The following LRRIQ3 variants were observed in gnomAD, a reference collection of about 807,000 sequenced individuals.
The protein encoded by LRRIQ3 is leucine rich repeats and IQ motif containing 3.
Under a neutral mutation model 59.3 loss-of-function variants are expected in LRRIQ3, and 75 were observed. The ratio of observed to expected loss-of-function variants is 1.26; its 90% CI spans 1.05 to 1.53. The LOEUF is 1.53. LRRIQ3 is among the 40% of genes most tolerant of loss of function. The pLI is 0.00. For synonymous variants in LRRIQ3, 250 were observed against 231.3 expected, an observed-to-expected ratio of 1.08 and a Z score of -0.73; for missense variants, 831 against 710.0, an observed-to-expected ratio of 1.17 and a Z score of -1.94.
intron 4 of LRRIQ3, among the ~76,000 whole-genome samples, chr1:74,118,173 G>A (rs2100579891): frequency 6.6e-6 from 1 of 151,884 alleles, no homozygotes; most frequent in Middle Eastern, 3.4e-3. Context: ...TTTTAAAATT[G>A]TATACACACA....
chr1:74,068,925 G>T (rs1233342725), intron 6 of LRRIQ3, among the ~76,000 whole-genome samples: 1 of 151,942 alleles, frequency 6.6e-6, no homozygotes, highest in Admixed American at 6.6e-5. Context: ...AATGTTGGAG[G>T]CAGAAAATGT....
At chr1:74,187,520 G>C (rs1295410946) in intron 1 of LRRIQ3, among the ~76,000 whole-genome samples, 1 of 151,988 alleles carries the variant, frequency 6.6e-6, no homozygotes, top group South Asian at 2.1e-4. Context: ...TCACATATAA[G>C]TGTGAGCTAA....
At chr1:74,076,168 C>CA (rs1646207642) in intron 5 of LRRIQ3, among the ~76,000 whole-genome samples, 1 of 152,062 alleles carries the variant, frequency 6.6e-6, no homozygotes, top group Non-Finnish European at 1.5e-5. Context: ...TATGTGTTTA[C>CA]ATATTAAAAA....
At chr1:74,092,694 T>C (rs1039230622) in intron 5 of LRRIQ3, among the ~76,000 whole-genome samples, 1 of 151,862 alleles carries the variant, frequency 6.6e-6, no homozygotes, top group South Asian at 2.1e-4. Context: ...GAGATGGAAA[T>C]AGAATAAAAT....
chr1:74,160,861 T>C (rs936852234), intron 3 of LRRIQ3, among the ~76,000 whole-genome samples: 1 of 152,036 alleles, frequency 6.6e-6, no homozygotes, highest in Non-Finnish European at 1.5e-5. Context: ...ATCGTCACCC[T>C]GAAAACATAG....
intron 4 of LRRIQ3, chr1:74,138,366 C>T (rs147028140): frequency 7.6e-5 from 31 of 410,072 alleles, no homozygotes; most frequent in African/African-American, 6.2e-4. Flanking sequence ...TCAGCTATTC[C>T]TTCTGAGTAA....
chr1:74,033,584 T>C (rs1227002460), intron 7 of LRRIQ3, among the ~76,000 whole-genome samples: 1 of 151,950 alleles, frequency 6.6e-6, no homozygotes, highest in Non-Finnish European at 1.5e-5. Flanking sequence ...TATGTGTCTA[T>C]GGAAATCAGT....
chr1:74,112,396 A>C (rs991528480), intron 4 of LRRIQ3, among the ~76,000 whole-genome samples: 2 of 152,150 alleles, frequency 1.3e-5, no homozygotes, highest in African/African-American at 4.8e-5. Context: ...AAAAAGGTAA[A>C]CTGAAGATCA....
chr1:74,106,110 A>C (rs1646608550), intron 5 of LRRIQ3, among the ~76,000 whole-genome samples: 2 of 151,978 alleles, frequency 1.3e-5, no homozygotes, highest in African/African-American at 4.8e-5. Context: ...GAGGGTGTGA[A>C]ATTCCAATTT....
chr1:74,120,407 T>A (rs995046239), intron 4 of LRRIQ3, among the ~76,000 whole-genome samples: 1 of 152,070 alleles, frequency 6.6e-6, no homozygotes, highest in East Asian at 1.9e-4. Context: ...TGAGCCACAG[T>A]GCTGGCCTCT....
In LRRIQ3 at chr1:74,026,612, A is replaced by C. The variant is rs1198067436; in HGVS notation, c.*201T>G. The C allele has an allele frequency of 4.6e-6, 2 of 430,882 alleles. No individual in the cohort carries two copies. Among genetic ancestry groups the C allele is most frequent in the East Asian group, 8.5e-5 (2 of 23,522 alleles). 26.7% of individuals were successfully genotyped at this position (430,882 alleles called of 1,614,324 possible). A position where few individuals can be genotyped will look rare whatever the true frequency, so the allele number is the denominator to read the frequency against. On this transcript the variant is annotated 3_prime_UTR_variant, in exon 8 of 8. Transcript: ENST00000354431. ...AGGCATCTGATCTAAGAAATTTTTC[A>C]GAGGTGCTAAGTCAACTTTAAGTTA... is the stretch of plus-strand genomic sequence containing the variant.
intron 7 of LRRIQ3, among the ~76,000 whole-genome samples, chr1:74,031,951 A>T (rs1653731919): frequency 6.6e-6 from 1 of 152,032 alleles, no homozygotes; most frequent in Non-Finnish European, 1.5e-5. Context: ...TATACCTAAA[A>T]ATGATAAAAT....
intron 6 of LRRIQ3, among the ~76,000 whole-genome samples, chr1:74,063,941 ATT>A (rs1256942635): frequency 1.3e-5 from 2 of 151,672 alleles, no homozygotes; most frequent in Non-Finnish European, 2.9e-5. Context: ...TATTTTAATA[ATT>A]GTTTAATTTT....
chr1:74,027,335 A>G (rs757991387), intron 7 of LRRIQ3, among the ~76,000 whole-genome samples: 1 of 152,106 alleles, frequency 6.6e-6, no homozygotes, highest in Non-Finnish European at 1.5e-5. Context: ...TCAAAGTCCT[A>G]ACTCCCAGTG....
chr1:74,075,583 A>G (rs1646197904), intron 5 of LRRIQ3, among the ~76,000 whole-genome samples: 1 of 151,884 alleles, frequency 6.6e-6, no homozygotes, highest in African/African-American at 2.4e-5. Context: ...AAAAAAAAAG[A>G]AAAGAAAAAG....
At chr1:74,132,717 G>A (rs1346926725) in intron 4 of LRRIQ3, among the ~76,000 whole-genome samples, 1 of 152,134 alleles carries the variant, frequency 6.6e-6, no homozygotes, top group East Asian at 1.9e-4. Flanking sequence ...ATTAATTCAA[G>A]ATGGATTAAA....
At chr1:74,169,689 C>T (rs753915982) in intron 3 of LRRIQ3, among the ~76,000 whole-genome samples, 1 of 152,040 alleles carries the variant, frequency 6.6e-6, no homozygotes, top group Non-Finnish European at 1.5e-5. Context: ...ATAGCTGAGA[C>T]TACAAGTGCA....
At chr1:74,060,986 G>A (rs1215627949) in intron 6 of LRRIQ3, among the ~76,000 whole-genome samples, 2 of 152,102 alleles carry the variant, frequency 1.3e-5, no homozygotes, top group East Asian at 1.9e-4. Flanking sequence ...TTCTGGCAGC[G>A]GGAGATGTCA....
intron 7 of LRRIQ3, among the ~76,000 whole-genome samples, chr1:74,030,671 T>A (rs1653678023): frequency 6.6e-6 from 1 of 152,142 alleles, no homozygotes; most frequent in South Asian, 2.1e-4. Flanking sequence ...AAAGAAAACC[T>A]AGGCAATACC....
Sources: gnomAD v4.1 joint callset for allele counts (sites outside exome capture counted in the v4.1 genomes callset) on GRCh38, gnomAD v4.1.1 for gene constraint, MANE v1.5 for transcripts, NCBI Gene and HGNC (gene_info 2026-07-23, HGNC 2026-07-21) for gene names.